The following RYR1 variants were observed in gnomAD, a reference collection of about 807,000 sequenced individuals.
RYR1 encodes ryanodine receptor 1.
RYR1 carries 342 observed loss-of-function variants against 583.5 expected under a neutral mutation model. The observed-to-expected ratio is 0.59, with a 90% CI of 0.54 to 0.64. The LOEUF (loss-of-function observed/expected upper bound fraction) is 0.64. Ranked by LOEUF, RYR1 falls within the 30% of genes least tolerant of loss-of-function variation. RYR1 has a pLI of 0.00. For synonymous variants in RYR1, 2,791 were observed against 2,822.5 expected, an observed-to-expected ratio of 0.99 and a Z score of 0.35; for missense variants, 6,032 against 6,917.2, an observed-to-expected ratio of 0.87 and a Z score of 4.54.
At chr19:38,580,220 G>A in intron 100 of RYR1, 92 bp downstream of exon 100, 1 of 1,601,584 alleles carries the variant, frequency 6.2e-7, no homozygotes, top group Non-Finnish European at 8.5e-7. Flanking sequence ...GCTGGGCTGA[G>A]GAGGGGCAAG....
At chr19:38,467,187 A>G (rs999527204) in intron 24 of RYR1, among the ~76,000 whole-genome samples, 2 of 151,928 alleles carry the variant, frequency 1.3e-5, no homozygotes, top group Non-Finnish European at 2.9e-5. Context: ...ATGGTCCCCA[A>G]CCTTCAGTTT....
chr19:38,465,862 G>A (rs1227409203), intron 23 of RYR1, among the ~76,000 whole-genome samples: 1 of 152,230 alleles, frequency 6.6e-6, no homozygotes, highest in Admixed American at 6.5e-5. Context: ...TCAAGACAAA[G>A]GGGGCTAGAG....
intron 38 of RYR1, among the ~76,000 whole-genome samples, chr19:38,493,515 CGTT>C (rs765108385): frequency 0.022 from 3,135 of 143,050 alleles, 70 homozygotes; most frequent in Non-Finnish European, 0.028. Context: ...TTTTCTTTTT[CGTT>C]TTTTTTTTTT....
chr19:38,444,711 C>CCT lies in RYR1; in HGVS notation c.631+35_631+36insTC. The stretch of plus-strand genomic sequence containing the variant: ...CCCAGACCTCCCCCTAAATGGAGAT[C>CCT]CCCCCAAAACAGACCCTTAATGTTG... On this transcript the variant is annotated intron_variant, in intron 7 of 105. Coordinates refer to ENST00000359596, the MANE Select transcript of RYR1 (RefSeq NM_000540.3). This position sits in a 1 kb window ranked among gnomAD's most constrained non-coding sequence, Gnocchi z 5.1. The CCT allele has an allele frequency of 7.3e-7, 1 of 1,374,796 alleles. No homozygotes were observed. The highest frequency in any genetic ancestry group is 9.8e-7 in the Non-Finnish European group (1 of 1,025,294). The allele number at this position is 1,374,796 out of a possible 1,614,324, so 85.2% of individuals were successfully genotyped here. A position where few individuals can be genotyped will look rare whatever the true frequency, so the allele number is the denominator to read the frequency against.
chr19:38,517,827 AC>A, intron 66 of RYR1, 136 bp downstream of exon 66: 3 of 815,556 alleles, frequency 3.7e-6, no homozygotes, highest in Non-Finnish European at 5.9e-6. Flanking sequence ...GCATCAAAAG[AC>A]CAGGGGTCAG....
At chr19:38,529,394 C>T (rs1971630741) in intron 76 of RYR1, among the ~76,000 whole-genome samples, 1 of 152,112 alleles carries the variant, frequency 6.6e-6, no homozygotes, top group Non-Finnish European at 1.5e-5. Flanking sequence ...GCGGAAGAAT[C>T]GCTTGAACCT....
At chr19:38,584,858 T>C in intron 101 of RYR1, 85 bp from the exon 102 acceptor site, 5 of 1,535,558 alleles carry the variant, frequency 3.3e-6, no homozygotes, top group Non-Finnish European at 9.0e-7. Flanking sequence ...CGTTACCATG[T>C]CTTCAGCCCT....
rs1161018548 is a variant in RYR1, at chr19:38,535,440, G to A, written c.11516+48G>A. 19 of 1,359,638 alleles carry A rather than the reference G, an allele frequency of 1.4e-5. No homozygotes were observed. In the South Asian group the frequency reaches 2.1e-4, roughly 15 times the overall value. 84.2% of individuals were successfully genotyped at this position (1,359,638 alleles called of 1,614,324 possible). A position where few individuals can be genotyped will look rare whatever the true frequency, so the allele number is the denominator to read the frequency against. Reference sequence around the variant, plus strand: ...TTGTTAAGCTGTGTTTGGTGCCACTGCCACCCCACTCCTGGTACCATTTCC... The same window carrying A: ...TTGTTAAGCTGTGTTTGGTGCCACTACCACCCCACTCCTGGTACCATTTCC... On this transcript the variant is annotated intron_variant, in intron 81 of 105. Transcript: ENST00000359596.
chr19:38,504,804 G>A lies in RYR1; in HGVS notation c.8124G>A (p.Gly2708=), dbSNP rs1406278319. 1 of 1,614,028 alleles carries A rather than the reference G, an allele frequency of 6.2e-7. No individual in the cohort carries two copies. Among genetic ancestry groups the A allele is most frequent in the African/African-American group, 1.3e-5 (1 of 74,912 alleles). ...MAMPCLCAIA[G]ALPPDYVDAS... ...TGCCTTGTCTGTGCGCCATTGCCGG[G>A]GCTCTGCCCCCCGACTATGTGGATG... The change falls in exon 51 of 106, where the codon GGG becomes GGA. Residue 2708 remains glycine (G), a synonymous_variant. Transcript: ENST00000359596.
Position 38,499,537 on chromosome 19 carries a change from G to A in RYR1, c.7028-98G>A. On this transcript the variant is annotated intron_variant, in intron 43 of 105. Transcript: ENST00000359596. The surrounding 1 kb of genome is among the most constrained non-coding windows in gnomAD (Gnocchi z 7.3). ...AGGTGTTGGGTCCTGGAGCTGGATG[G>A]GACCTGTGTTACCCCTGGAGGTGTT... 7.2e-7 allele frequency: 1 copy of A among 1,384,588 alleles called. No individual in the cohort carries two copies. The highest frequency in any genetic ancestry group is 1.0e-6 in the Non-Finnish European group (1 of 1,002,652). The allele number at this position is 1,384,588 out of a possible 1,614,324, so 85.8% of individuals were successfully genotyped here. A position where few individuals can be genotyped will look rare whatever the true frequency, so the allele number is the denominator to read the frequency against.
chr19:38,445,413 C>G (rs1972893156), intron 7 of RYR1, among the ~76,000 whole-genome samples: 3 of 151,764 alleles, frequency 2.0e-5, no homozygotes, highest in Admixed American at 1.3e-4. Flanking sequence ...TCCACCAAAG[C>G]AAACTCCCAA....
intron 1 of RYR1, among the ~76,000 whole-genome samples, chr19:38,437,119 C>T (rs1005972574): frequency 7.3e-5 from 11 of 151,554 alleles, no homozygotes; most frequent in South Asian, 2.1e-4. Flanking sequence ...GGCACAATCT[C>T]GGCTCACTGC....
chr19:38,525,495 A>T lies in RYR1; in HGVS notation c.10619A>T (p.Tyr3540Phe), dbSNP rs752477271. The change falls in exon 71 of 106, where the codon TAC becomes TTC. Residue 3540 changes from tyrosine (Y) to phenylalanine (F), a missense_variant. Physicochemically the swap from Tyr to Phe is conservative, Grantham distance 22 (BLOSUM62 3). This residue lies in a region of RYR1 where 1,493 missense variants were observed against 1,715.5 expected (regional missense o/e 0.87). Coordinates refer to ENST00000359596, the MANE Select transcript of RYR1 (RefSeq NM_000540.3). The stretch of plus-strand genomic sequence containing the variant: ...CTCATCACGCTGGCCAAGACCCGTT[A>T]CGCCCTGGTGCCTGCCCAGCCCCGT... ...QDLITLAKTR[Y>F]ALKDTDEEVR... is the part of the protein sequence containing the mutation. The T allele has an allele frequency of 5.0e-5, 80 of 1,613,572 alleles. No individual in the cohort carries two copies. The highest frequency in any genetic ancestry group is 6.3e-5 in the Non-Finnish European group (74 of 1,179,880).
In RYR1 at chr19:38,443,546, C is replaced by T. The variant is rs781619638; in HGVS notation, c.271-12C>T. On this transcript the variant is annotated splice_polypyrimidine_tract_variant and intron_variant, in intron 3 of 105. Coordinates refer to ENST00000359596, the MANE Select transcript of RYR1 (RefSeq NM_000540.3). ...GATCTGTGCTTATTCTGTTCCCTCC[C>T]TCCCCCTGCAGTCATCCCAGGGCGG... 2.5e-6 allele frequency: 4 copies of T among 1,612,678 alleles called. No individual in the cohort carries two copies. The highest frequency in any genetic ancestry group is 3.4e-6 in the Non-Finnish European group (4 of 1,179,048).
At chr19:38,476,291 C>T (rs571022261) in intron 29 of RYR1, among the ~76,000 whole-genome samples, 3 of 152,010 alleles carry the variant, frequency 2.0e-5, no homozygotes, top group South Asian at 2.1e-4. Flanking sequence ...CTCTGCCTCC[C>T]GGGTTCAAGT....
intron 94 of RYR1, 55 bp downstream of exon 94, chr19:38,570,748 G>C: frequency 7.2e-7 from 1 of 1,398,560 alleles, no homozygotes; most frequent in Non-Finnish European, 1.0e-6. Context: ...TGTGGGATGG[G>C]AGGCTCAGCC....
At chr19:38,435,778 A>G (rs1972400174) in intron 1 of RYR1, among the ~76,000 whole-genome samples, 1 of 152,188 alleles carries the variant, frequency 6.6e-6, no homozygotes, top group Admixed American at 6.5e-5. Context: ...CCCATAAGAA[A>G]CATTCTGTCT....
chr19:38,519,738 G>A (rs1162052632), intron 67 of RYR1, among the ~76,000 whole-genome samples: 1 of 152,076 alleles, frequency 6.6e-6, no homozygotes, highest in African/African-American at 2.4e-5. Context: ...GAATGCAGTG[G>A]CGCGATCTCG....
rs1434359783 is a variant in RYR1, at chr19:38,473,591, C to G, written c.3980C>G (p.Pro1327Arg). The change falls in exon 28 of 106, where the codon CCC (proline) becomes CGC (arginine). Residue 1327 changes from proline (P) to arginine (R), a missense_variant. Transcript: ENST00000359596. ...PAEDEARAAE[P>R]DPDYENLRRS... ...GAGGACGAGGCCCGGGCGGCGGAAC[C>G]CGACCCTGACTACGAAAACCTGCGC... The G allele has an allele frequency of 6.3e-7, 1 of 1,584,234 alleles. No individual in the cohort carries two copies. Among genetic ancestry groups the G allele is most frequent in the Non-Finnish European group, 8.6e-7 (1 of 1,165,558 alleles).
Sources: gnomAD v4.1 joint callset for allele counts (sites outside exome capture counted in the v4.1 genomes callset) on GRCh38, gnomAD v4.1.1 for gene constraint, gnomAD v4.1.1 regional missense constraint, Gnocchi (gnomAD v3.1) non-coding constraint, MANE v1.5 for transcripts, NCBI Gene and HGNC (gene_info 2026-07-23, HGNC 2026-07-21) for gene names.